SYNPR: variants seen among roughly 807,000 people sequenced by gnomAD.
SYNPR encodes the protein synaptoporin.
A neutral mutation model predicts 32.9 loss-of-function variants in SYNPR; 23 were observed. The ratio of observed to expected loss-of-function variants is 0.70; its 90% confidence interval spans 0.50 to 0.99. SYNPR has a LOEUF of 0.99. Ranked by LOEUF, SYNPR falls within the 50% of genes least tolerant of loss-of-function variation. The pLI, the probability that SYNPR is intolerant of heterozygous loss-of-function variation, is 0.00. For synonymous variants in SYNPR, 146 were observed against 135.9 expected, an observed-to-expected ratio of 1.07 and a Z score of -0.52; for missense variants, 318 against 349.3, an observed-to-expected ratio of 0.91 and a Z score of 0.71.
intron 1 of SYNPR, among the ~76,000 whole-genome samples, chr3:63,248,085 G>A (rs2086305303): frequency 1.3e-5 from 2 of 152,100 alleles, no homozygotes; most frequent in Non-Finnish European, 2.9e-5. Context: ...GGGGCCTTGG[G>A]ATTGAGAGCT....
intron 2 of SYNPR, among the ~76,000 whole-genome samples, chr3:63,348,914 A>C (rs140877149): frequency 6.6e-6 from 1 of 152,204 alleles, no homozygotes; most frequent in East Asian, 1.9e-4. Context: ...GGTTACTGTA[A>C]CATTGTAGTA....
the SYNPR span, among the ~76,000 whole-genome samples, chr3:63,217,623 A>C: frequency 2.1e-4 from 31 of 149,068 alleles, no homozygotes; most frequent in Admixed American, 1.5e-3. Context: ...CTCCCTAGTG[A>C]GATGAACCTG....
intron 4 of SYNPR, among the ~76,000 whole-genome samples, chr3:63,571,133 A>G (rs1485470240): frequency 6.6e-6 from 1 of 152,154 alleles, no homozygotes; most frequent in Non-Finnish European, 1.5e-5. Flanking sequence ...TCAGCTTGCT[A>G]TTTTAAAATG....
In SYNPR at chr3:63,340,419, A is replaced by ACTTTTTT. The variant is rs1553870463; in HGVS notation, c.84+61677_84+61678insCTTTTTT. On this transcript the variant is annotated intron_variant, in intron 2 of 5. Transcript: ENST00000478300. ...TTCTACCATTAATTAAAAAAAATGT[A>ACTTTTTT]TTTTTTTTTTTTTTTTTTGAGACGG... Among the ~76,000 whole-genome samples the ACTTTTTT allele has an allele frequency of 1.6e-5, 2 of 128,508 alleles. 1 individual carries two copies. The highest frequency in any genetic ancestry group is 3.2e-5 in the Non-Finnish European group (2 of 62,848). 84.3% of individuals were successfully genotyped at this position (128,508 alleles called of 152,430 possible). A position where few individuals can be genotyped will look rare whatever the true frequency, so the allele number is the denominator to read the frequency against.
upstream of SYNPR, among the ~76,000 whole-genome samples, chr3:63,277,223 T>C (rs1376395006): frequency 1.3e-5 from 2 of 152,140 alleles, no homozygotes; most frequent in African/African-American, 2.4e-5. Flanking sequence ...GGCCTCAATT[T>C]CCTCATCTCT....
At chr3:63,362,088 T>A (rs2087669415) in intron 2 of SYNPR, among the ~76,000 whole-genome samples, 1 of 152,136 alleles carries the variant, frequency 6.6e-6, no homozygotes, top group Non-Finnish European at 1.5e-5. Flanking sequence ...TACAGGACCA[T>A]TTAAGGGCTG....
intron 4 of SYNPR, among the ~76,000 whole-genome samples, chr3:63,608,210 C>A (rs1020431696): frequency 2.0e-5 from 3 of 152,056 alleles, no homozygotes; most frequent in Non-Finnish European, 4.4e-5. Context: ...TAGCCCTCAT[C>A]ATCAGAAGTT....
At chr3:63,276,392 A>G (rs1292748686), upstream of SYNPR, among the ~76,000 whole-genome samples, 1 of 152,150 alleles carries the variant, frequency 6.6e-6, no homozygotes, top group African/African-American at 2.4e-5. Flanking sequence ...TAGAAGTGAT[A>G]TGTAACTAAT....
At chr3:63,258,127 C>A (rs1042984511) in intron 2 of SYNPR, among the ~76,000 whole-genome samples, 11 of 152,232 alleles carry the variant, frequency 7.2e-5, no homozygotes, top group African/African-American at 2.6e-4. Flanking sequence ...TAATGGGAGA[C>A]TTTAACACCC....
chr3:63,477,630 CCATGCACAGCTG>C (rs1415590081), intron 2 of SYNPR, among the ~76,000 whole-genome samples: 2 of 152,312 alleles, frequency 1.3e-5, no homozygotes, highest in Non-Finnish European at 2.9e-5. Context: ...CAGCTGGCTC[CCATGCACAGCTG>C]CATGGCCAGC....
At chr3:63,528,369 T>C (rs1702053858) in intron 3 of SYNPR, among the ~76,000 whole-genome samples, 1 of 152,210 alleles carries the variant, frequency 6.6e-6, no homozygotes, top group South Asian at 2.1e-4. Flanking sequence ...AAGAGGGCCA[T>C]GCAATATGCA....
intron 3 of SYNPR, among the ~76,000 whole-genome samples, chr3:63,515,312 G>C: frequency 6.6e-6 from 1 of 151,924 alleles, no homozygotes; most frequent in East Asian, 1.9e-4. Context: ...TCCCCCTCAT[G>C]CTTCTCAGAT....
At chr3:63,494,010 G>C (rs1019993621) in intron 3 of SYNPR, among the ~76,000 whole-genome samples, 4 of 151,520 alleles carry the variant, frequency 2.6e-5, no homozygotes. Context: ...GATATGTTGT[G>C]TTTTAACATT....
At chr3:63,602,626 T>C (rs1471377717) in intron 4 of SYNPR, among the ~76,000 whole-genome samples, 1 of 152,164 alleles carries the variant, frequency 6.6e-6, no homozygotes, top group Non-Finnish European at 1.5e-5. Flanking sequence ...TCCTTGCTTT[T>C]CACAATTTTG....
intron 2 of SYNPR, among the ~76,000 whole-genome samples, chr3:63,285,932 A>G (rs2086676078): frequency 6.6e-6 from 1 of 152,218 alleles, no homozygotes; most frequent in Admixed American, 6.5e-5. Flanking sequence ...TATGAAGGTG[A>G]TGATGATAAC....
At chr3:63,591,566 AC>A (rs1280183192) in intron 4 of SYNPR, among the ~76,000 whole-genome samples, 1 of 128,388 alleles carries the variant, frequency 7.8e-6, no homozygotes, top group Non-Finnish European at 1.6e-5. Flanking sequence ...CAAATGTCCA[AC>A]AATGATAGAC....
In SYNPR at chr3:63,392,647, G is replaced by C. The variant is rs181666727; in HGVS notation, c.85-88185G>C. ...GAATTCGGTTATACTCCAGATGCCTGGTGGTTCAGCCTTAATATCCAGCCC... is the reference window on the plus strand; with the variant it reads ...GAATTCGGTTATACTCCAGATGCCTCGTGGTTCAGCCTTAATATCCAGCCC... On this transcript the variant is annotated intron_variant, in intron 2 of 5. Transcript: ENST00000478300. 1.3e-3 allele frequency among the ~76,000 whole-genome samples: 195 copies of C among 152,242 alleles called. 1 individual carries two copies. Among genetic ancestry groups the C allele is most frequent in the African/African-American group, 4.5e-3 (185 of 41,542 alleles).
intron 1 of SYNPR, among the ~76,000 whole-genome samples, chr3:63,244,371 T>A (rs962824179): frequency 9.2e-5 from 14 of 152,084 alleles, no homozygotes; most frequent in African/African-American, 3.4e-4. Flanking sequence ...TGTAGTTTCC[T>A]GCAATACACA....
chr3:63,507,823 G>GA (rs151037843), intron 3 of SYNPR, among the ~76,000 whole-genome samples: 6,298 of 147,878 alleles, frequency 0.043, 434 homozygotes, highest in African/African-American at 0.15. Flanking sequence ...ACAAAGAAAA[G>GA]AAAAAAAATG....
Sources: allele counts gnomAD v4.1 joint callset (sites outside exome capture counted in the v4.1 genomes callset), GRCh38; gene constraint gnomAD v4.1.1; transcripts MANE v1.5; gene names NCBI Gene and HGNC (gene_info 2026-07-23, HGNC 2026-07-21).